Variants in ZFP90 observed in about 807,000 individuals in gnomAD.
ZFP90 encodes ZFP90 zinc finger protein.
ZFP90 carries 38 observed loss-of-function variants against 60.8 expected under a neutral mutation model. That is an observed-to-expected ratio of 0.62 (90% confidence interval 0.48 to 0.82). The LOEUF is 0.82. Among genes scored for constraint, ZFP90 ranks in the 40% least tolerant of loss-of-function variants. ZFP90 has a pLI of 0.00. For synonymous variants in ZFP90, 287 were observed against 264.8 expected (o/e 1.08, Z -0.82); for missense variants, 711 against 759.1 (o/e 0.94, Z 0.74).
rs1473321676 is a variant in ZFP90, at chr16:68,563,885, C to T, written c.1098C>T (p.Phe366=). Residue 366 remains phenylalanine, a synonymous_variant, in exon 5 of 5, where the codon TTC becomes TTT. Coordinates refer to ENST00000563169, the MANE Select transcript of ZFP90 (RefSeq NM_001305203.2). The stretch of plus-strand genomic sequence containing the variant: ...TCACACACAGTGGAGAGAAGCCCTT[C>T]CAGTGTAAGGAATGTGGGAAAGCCT... ...HEVTHSGEKP[F]QCKECGKAFS... is the part of the protein sequence containing the mutation. The T allele has an allele frequency of 6.2e-7, 1 of 1,614,020 alleles. No homozygotes were observed. The highest frequency in any genetic ancestry group is 8.5e-7 in the Non-Finnish European group (1 of 1,180,000).
chr16:68,565,555 G>GTT lies in ZFP90; in HGVS notation c.*858_*859dup, dbSNP rs2091512312. The stretch of plus-strand genomic sequence containing the variant: ...TAGTGACTTTTTTCCCCTTTTCCCA[G>GTT]TTACAATTATACTTTCAGCTAACAT... On this transcript the variant is annotated 3_prime_UTR_variant, in exon 5 of 5. Transcript: ENST00000563169. 1.0e-6 allele frequency: 1 copy of GTT among 985,402 alleles called. No homozygotes were observed. Among genetic ancestry groups the GTT allele is most frequent in the Non-Finnish European group, 1.2e-6 (1 of 829,942 alleles). 61.0% of individuals were successfully genotyped at this position (985,402 alleles called of 1,614,324 possible).
rs1177902673 is a variant in ZFP90, at chr16:68,563,895, G to A, written c.1108G>A (p.Glu370Lys). The change falls in exon 5 of 5, where the codon GAA (glutamate) becomes AAA (lysine). Residue 370 changes from glutamate (E) to lysine (K), a missense_variant. Physicochemically the swap from Glu to Lys is moderately conservative, Grantham distance 56 (BLOSUM62 1). Coordinates refer to ENST00000563169, the MANE Select transcript of ZFP90 (RefSeq NM_001305203.2). ...TGGAGAGAAGCCCTTCCAGTGTAAG[G>A]AATGTGGGAAAGCCTTTAGTCGATG... ...HSGEKPFQCK[E>K]CGKAFSRCSS... 1.9e-6 allele frequency: 3 copies of A among 1,614,110 alleles called. No individual in the cohort carries two copies. Among genetic ancestry groups the A allele is most frequent in the Non-Finnish European group, 2.5e-6 (3 of 1,180,020 alleles).
Position 68,539,755 on chromosome 16 carries a change from C to A in ZFP90, c.-35-3C>A. 6.4e-7 allele frequency: 1 copy of A among 1,558,298 alleles called. No individual in the cohort carries two copies. The highest frequency in any genetic ancestry group is 2.4e-5 in the East Asian group (1 of 42,542). ...GTGAGTGGGCCCTGTCCTTTCTCCC[C>A]AGCTCCTGCCCCGGAGCCGGGCCCT... On this transcript the variant is annotated splice_polypyrimidine_tract_variant and splice_region_variant and intron_variant, in intron 1 of 4. Transcript: ENST00000563169.
At chr16:68,562,576 T>C (rs2091454763) in intron 4 of ZFP90, 1 of 179,778 alleles carries the variant, frequency 5.6e-6, no homozygotes, top group Non-Finnish European at 1.2e-5. Flanking sequence ...AATAATCTTT[T>C]CAGTTGTATC....
In ZFP90 at chr16:68,566,766, T is replaced by C. The variant is rs1475373454; in HGVS notation, c.*2068T>C. On this transcript the variant is annotated 3_prime_UTR_variant, in exon 5 of 5. Coordinates refer to ENST00000563169, the MANE Select transcript of ZFP90 (RefSeq NM_001305203.2). ...GGCTAGGATGCCTGTCAGGAACTCA[T>C]TATGCTACTGGTTGTTTGGGGATCC... is the stretch of plus-strand genomic sequence containing the variant. 5.1e-6 allele frequency: 5 copies of C among 985,576 alleles called. No individual in the cohort carries two copies. The African/African-American group carries it at 8.7e-5, about 17-fold the overall frequency. The allele number at this position is 985,576 out of a possible 1,614,324, so 61.1% of individuals were successfully genotyped here.
intron 2 of ZFP90, 25 bp downstream of exon 2, chr16:68,539,850 T>C: frequency 6.2e-7 from 1 of 1,604,432 alleles, no homozygotes; most frequent in Non-Finnish European, 8.5e-7. Flanking sequence ...CCTAACCTCC[T>C]GGGCATCCCA....
Position 68,566,637 on chromosome 16 carries a change from A to G in ZFP90, c.*1939A>G. On this transcript the variant is annotated 3_prime_UTR_variant, in exon 5 of 5. Coordinates refer to ENST00000563169, the MANE Select transcript of ZFP90 (RefSeq NM_001305203.2). ...GCTGACCATCCAAAACACCTTGTTTATGGTGCACCATGATTAGCTCACACA... is the reference window on the plus strand; with the variant it reads ...GCTGACCATCCAAAACACCTTGTTTGTGGTGCACCATGATTAGCTCACACA... The G allele has an allele frequency of 3.0e-6, 3 of 985,594 alleles. No homozygotes were observed. Among genetic ancestry groups the G allele is most frequent in the Non-Finnish European group, 3.6e-6 (3 of 829,938 alleles). The allele number at this position is 985,594 out of a possible 1,614,324, so 61.1% of individuals were successfully genotyped here. A position where few individuals can be genotyped will look rare whatever the true frequency, so the allele number is the denominator to read the frequency against.
intron 4 of ZFP90, among the ~76,000 whole-genome samples, chr16:68,560,744 A>G (rs1194419498): frequency 1.3e-5 from 2 of 151,294 alleles, no homozygotes; most frequent in Non-Finnish European, 2.9e-5. Context: ...TTTAGTAGAG[A>G]TGGGGTTTCT....
downstream of ZFP90, among the ~76,000 whole-genome samples, chr16:68,570,417 G>C (rs1381294264): frequency 6.6e-6 from 1 of 152,226 alleles, no homozygotes; most frequent in Non-Finnish European, 1.5e-5. Flanking sequence ...TGCACCCCAA[G>C]TGAGCACTTG....
chr16:68,545,122 G>T (rs1022889554), intron 2 of ZFP90, among the ~76,000 whole-genome samples: 43 of 151,544 alleles, frequency 2.8e-4, no homozygotes, highest in African/African-American at 1.0e-3. Flanking sequence ...CTCATGATCC[G>T]CCCGCCTCGG....
chr16:68,569,725 ACT>A (rs1162060497), downstream of ZFP90, among the ~76,000 whole-genome samples: 4 of 151,778 alleles, frequency 2.6e-5, no homozygotes, highest in Admixed American at 6.6e-5. Context: ...ACATGGCAAA[ACT>A]CTGTTTCTAC....
intron 2 of ZFP90, among the ~76,000 whole-genome samples, chr16:68,551,382 G>C (rs1069288): frequency 0.77 from 114,944 of 149,414 alleles, 44,158 homozygotes; most frequent in East Asian, 0.82. Context: ...CAAGATCCTT[G>C]TATGTCAGCA....
Position 68,563,564 on chromosome 16 carries a change from T to C in ZFP90, c.777T>C (p.Cys259=), listed in dbSNP as rs768365378. The part of the protein sequence containing the change: ...PGKKHHECTD[C]GKTFLWKTQL... ...AGAAACACCATGAATGTACCGACTGTGGGAAAACCTTTCTCTGGAAGACAC... is the reference window on the plus strand; with the variant it reads ...AGAAACACCATGAATGTACCGACTGCGGGAAAACCTTTCTCTGGAAGACAC... The change falls in exon 5 of 5, where the codon TGT becomes TGC. Residue 259 remains cysteine, a synonymous_variant. Transcript: ENST00000563169. 6.2e-7 allele frequency: 1 copy of C among 1,614,218 alleles called. No individual in the cohort carries two copies. The highest frequency in any genetic ancestry group is 1.7e-5 in the Admixed American group (1 of 60,024).
chr16:68,573,472 G>A (rs921518217), intron 2 of ZFP90, among the ~76,000 whole-genome samples: 1 of 152,180 alleles, frequency 6.6e-6, no homozygotes, highest in Non-Finnish European at 1.5e-5. Flanking sequence ...AGCAAGACCT[G>A]TCTCTAAAAG....
Position 68,563,991 on chromosome 16 carries a change from G to A in ZFP90, c.1204G>A (p.Ala402Thr). 1 of 1,614,016 alleles carries A rather than the reference G, an allele frequency of 6.2e-7. No homozygotes were observed. The highest frequency in any genetic ancestry group is 8.5e-7 in the Non-Finnish European group (1 of 1,179,990). ...TTTTGAATGTAGCATATGTGGGAGG[G>A]CTTTTGGTCAGAGCCCATCCCTTTA... ...KPFECSICGR[A>T]FGQSPSLYKH... The change falls in exon 5 of 5, where the codon GCT becomes ACT. Residue 402 changes from alanine to threonine, a missense_variant. By Grantham distance (58) the Ala-to-Thr change is moderately conservative. Around this residue, in one of 5 missense-constraint regions of ZFP90, gnomAD observed 146 missense variants for 201.4 expected, o/e 0.73. Transcript: ENST00000563169.
downstream of ZFP90, among the ~76,000 whole-genome samples, chr16:68,568,218 G>A (rs1327393914): frequency 6.6e-6 from 1 of 152,174 alleles, no homozygotes; most frequent in Non-Finnish European, 1.5e-5. Flanking sequence ...GCTAATTAAT[G>A]CCAGGCATAT....
upstream of ZFP90, among the ~76,000 whole-genome samples, chr16:68,538,947 C>G (rs186160485): frequency 1.5e-3 from 230 of 152,334 alleles, no homozygotes; most frequent in African/African-American, 5.3e-3. Flanking sequence ...GTCACTCTTA[C>G]CGCTGAAGTC....
At chr16:68,545,460 A>G (rs981394541) in intron 2 of ZFP90, among the ~76,000 whole-genome samples, 11 of 152,240 alleles carry the variant, frequency 7.2e-5, no homozygotes, top group African/African-American at 2.7e-4. Context: ...TGTGATTTGC[A>G]CTGAACAGTT....
intron 2 of ZFP90, among the ~76,000 whole-genome samples, chr16:68,552,118 T>G (rs1376167046): frequency 6.6e-6 from 1 of 152,210 alleles, no homozygotes; most frequent in Non-Finnish European, 1.5e-5. Context: ...GGAAGAAGGA[T>G]GAGCAGCTAT....
Sources: gnomAD v4.1 joint callset for allele counts (sites outside exome capture counted in the v4.1 genomes callset) on GRCh38, gnomAD v4.1.1 for gene constraint, gnomAD v4.1.1 regional missense constraint, MANE v1.5 for transcripts, NCBI Gene and HGNC (gene_info 2026-07-23, HGNC 2026-07-21) for gene names.